The following GRK7 variants were observed in gnomAD, a reference collection of about 807,000 sequenced individuals.
The protein encoded by GRK7 is G protein-coupled receptor kinase 7.
GRK7 carries 24 observed loss-of-function variants against 34.1 expected under a neutral mutation model. The ratio of observed to expected loss-of-function variants is 0.70; its 90% CI spans 0.51 to 0.99. GRK7 has a LOEUF of 0.99. Ranked by LOEUF, GRK7 falls within the 50% of genes least tolerant of loss-of-function variation. The pLI, the probability that GRK7 is intolerant of heterozygous loss-of-function variation, is 0.00. For missense variants in GRK7, 644 were observed against 707.3 expected (o/e 0.91, Z 1.02); for synonymous variants, 256 against 279.4 (o/e 0.92, Z 0.84).
At position 141,810,457 on chromosome 3, in the gene GRK7, G is replaced by A. The variant is rs116679586; in HGVS notation, c.1325+2538G>A. ...ACTCACACATTGTCAGGGAGGAAAC[G>A]CATTCTCTACCCTCTTACCCTCTCA... On this transcript the variant is annotated intron_variant, in intron 5 of 5. Coordinates refer to ENST00000682958, the MANE Select transcript of GRK7 (RefSeq NM_139209.3). Among the ~76,000 whole-genome samples, 553 of 146,076 alleles carry A rather than the reference G, an allele frequency of 3.8e-3. 4 individuals carry two copies. The highest frequency in any genetic ancestry group is 0.013 in the African/African-American group (497 of 39,178).
chr3:141,757,233 T>A, the GRK7 span, among the ~76,000 whole-genome samples: 1 of 151,364 alleles, frequency 6.6e-6, no homozygotes, highest in African/African-American at 2.4e-5. Context: ...TGTGCCATGC[T>A]GGTGCGCTGC....
At chr3:141,773,080 G>A (rs1361222354) in intron 1 of GRK7, among the ~76,000 whole-genome samples, 1 of 147,564 alleles carries the variant, frequency 6.8e-6, no homozygotes, top group African/African-American at 2.5e-5. Flanking sequence ...AGGTTGCAGT[G>A]AACTGAGATC....
intron 4 of GRK7, among the ~76,000 whole-genome samples, chr3:141,799,468 C>T (rs542309803): frequency 7.2e-5 from 11 of 152,102 alleles, no homozygotes; most frequent in African/African-American, 2.2e-4. Context: ...CAAAATTAGC[C>T]GGGCGTGGTG....
chr3:141,769,694 G>T (rs1017081653), intron 1 of GRK7, among the ~76,000 whole-genome samples: 1 of 152,000 alleles, frequency 6.6e-6, no homozygotes, highest in African/African-American at 2.4e-5. Context: ...CTGGCTTCTG[G>T]CCAGGCTCTG....
chr3:141,801,328 A>G (rs545342096), intron 4 of GRK7, among the ~76,000 whole-genome samples: 166 of 150,792 alleles, frequency 1.1e-3, no homozygotes, highest in African/African-American at 3.8e-3. Context: ...AAAAAAAAAA[A>G]AAAAAAGAAA....
In GRK7 at chr3:141,780,494, A is replaced by G; in HGVS notation, c.733A>G (p.Lys245Glu). The G allele has an allele frequency of 2.5e-6, 4 of 1,614,174 alleles. No individual in the cohort carries two copies. Among genetic ancestry groups the G allele is most frequent in the Non-Finnish European group, 3.4e-6 (4 of 1,180,000 alleles). ...MALLEKEILE[K>E]VSSPFIVSLA... ...TCTCTTGGAAAAGGAAATCTTGGAG[A>G]AGGTCAGCAGCCCTTTCATTGTCTC... is the stretch of plus-strand genomic sequence containing the variant. The change falls in exon 4 of 6, where the codon AAG (lysine) becomes GAG (glutamate). Residue 245 changes from lysine (K) to glutamate (E), a missense_variant. Coordinates refer to ENST00000682958, the MANE Select transcript of GRK7 (RefSeq NM_139209.3).
intron 1 of GRK7, among the ~76,000 whole-genome samples, chr3:141,772,141 G>A (rs779013529): frequency 6.6e-6 from 1 of 151,580 alleles, no homozygotes. Context: ...GTCACCCAGG[G>A]TAGAGTGCAG....
intron 1 of GRK7, among the ~76,000 whole-genome samples, chr3:141,766,494 A>C (rs890124188): frequency 6.6e-6 from 1 of 150,950 alleles, no homozygotes; most frequent in Admixed American, 6.6e-5. Flanking sequence ...TATTCTCTCC[A>C]CTCTCGATTA....
chr3:141,802,008 A>T (rs1158771654), intron 4 of GRK7, among the ~76,000 whole-genome samples: 4 of 152,228 alleles, frequency 2.6e-5, no homozygotes, highest in Non-Finnish European at 5.9e-5. Flanking sequence ...AAGAAACATA[A>T]AGGATAAGTT....
Position 141,817,497 on chromosome 3 carries a change from G to A in GRK7, c.*447G>A, listed in dbSNP as rs1435093513. 6.5e-6 allele frequency: 1 copy of A among 152,890 alleles called. No individual in the cohort carries two copies. The highest frequency in any genetic ancestry group is 1.5e-5 in the Non-Finnish European group (1 of 68,618). 9.5% of individuals were successfully genotyped at this position (152,890 alleles called of 1,614,324 possible). ...CTATACTTATAAAAAGGATTTTGAA[G>A]CTGGAAACAAATGTTTCTGACATTC... On this transcript the variant is annotated 3_prime_UTR_variant, in exon 6 of 6. Transcript: ENST00000682958.
intron 1 of GRK7, among the ~76,000 whole-genome samples, chr3:141,766,418 C>T (rs1276376511): frequency 1.3e-5 from 2 of 152,194 alleles, no homozygotes; most frequent in African/African-American, 4.8e-5. Flanking sequence ...CCGCCTCGGC[C>T]TCCCAAAGTG....
chr3:141,756,950 A>AT, the GRK7 span, among the ~76,000 whole-genome samples: 3 of 152,022 alleles, frequency 2.0e-5, no homozygotes, highest in Non-Finnish European at 4.4e-5. Flanking sequence ...GGAAGAAGTG[A>AT]TTTTTTTAAG....
intron 3 of GRK7, among the ~76,000 whole-genome samples, 170 bp downstream of exon 3, chr3:141,779,066 G>A (rs1024806350): frequency 6.6e-6 from 1 of 152,104 alleles, no homozygotes; most frequent in Admixed American, 6.6e-5. Flanking sequence ...GCCATGGTGT[G>A]AAATAAAACA....
chr3:141,816,792 A>T lies in GRK7; in HGVS notation c.1404A>T (p.Glu468Asp). 1 of 1,597,668 alleles carries T rather than the reference A, an allele frequency of 6.3e-7. No homozygotes were observed. Among genetic ancestry groups the T allele is most frequent in the Non-Finnish European group, 8.5e-7 (1 of 1,170,090 alleles). ...CTCGCCTGGAAGCTGGCCTAATTGA[A>T]CCCCCATTTGTGCCAGACCCTTCAG... ...NFPRLEAGLI[E>D]PPFVPDPSVV... Residue 468 changes from glutamate to aspartate, a missense_variant, in exon 6 of 6, where the codon GAA becomes GAT. By Grantham distance (45) the Glu-to-Asp change is conservative. Coordinates refer to ENST00000682958, the MANE Select transcript of GRK7 (RefSeq NM_139209.3).
Position 141,807,768 on chromosome 3 carries a change from A to G in GRK7, c.1174A>G (p.Lys392Glu), listed in dbSNP as rs1711050933. The change falls in exon 5 of 6, where the codon AAA (lysine) becomes GAA (glutamate). Residue 392 changes from lysine (K) to glutamate (E), a missense_variant. Lys to Glu is a moderately conservative substitution (Grantham distance 56). Coordinates refer to ENST00000682958, the MANE Select transcript of GRK7 (RefSeq NM_139209.3). ...YEMVAGRTPF[K>E]DYKEKVSKED... ...AATGGTTGCTGGACGAACACCATTC[A>G]AAGATTACAAGGAAAAGGTCAGTAA... 1 of 1,614,120 alleles carries G rather than the reference A, an allele frequency of 6.2e-7. No individual in the cohort carries two copies. Among genetic ancestry groups the G allele is most frequent in the Admixed American group, 1.7e-5 (1 of 60,006 alleles).
intron 1 of GRK7, among the ~76,000 whole-genome samples, chr3:141,773,898 A>G (rs2084627464): frequency 6.6e-6 from 1 of 152,186 alleles, no homozygotes; most frequent in African/African-American, 2.4e-5. Context: ...TGCTAAAGCC[A>G]GGATTCAGAT....
intron 4 of GRK7, among the ~76,000 whole-genome samples, chr3:141,791,919 G>T (rs780636159): frequency 6.7e-6 from 1 of 150,198 alleles, no homozygotes; most frequent in African/African-American, 2.5e-5. Context: ...TAGGAGAATC[G>T]CTTGAACCCG....
chr3:141,807,945 T>C (rs368907384), intron 5 of GRK7, 26 bp downstream of exon 5: 5 of 1,547,694 alleles, frequency 3.2e-6, no homozygotes, highest in African/African-American at 2.7e-5. Context: ...ACAGAGAGGA[T>C]TGCTGACACC....
At chr3:141,789,053 G>C (rs1306532274) in intron 4 of GRK7, among the ~76,000 whole-genome samples, 2 of 152,126 alleles carry the variant, frequency 1.3e-5, no homozygotes, top group Non-Finnish European at 2.9e-5. Context: ...GGCCTCATGT[G>C]ATCAACTTGC....
Sources: gnomAD v4.1 joint callset for allele counts (sites outside exome capture counted in the v4.1 genomes callset) on GRCh38, gnomAD v4.1.1 for gene constraint, MANE v1.5 for transcripts, NCBI Gene and HGNC (gene_info 2026-07-23, HGNC 2026-07-21) for gene names.